The following YWHAE variants were observed in gnomAD, a reference collection of about 807,000 sequenced individuals.
YWHAE encodes tyrosine 3-monooxygenase/tryptophan 5-monooxygenase activation protein epsilon.
YWHAE carries 4 observed loss-of-function variants against 30.1 expected under a neutral mutation model. The observed-to-expected ratio is 0.13, with a 90% confidence interval of 0.07 to 0.30. The LOEUF (loss-of-function observed/expected upper bound fraction) is 0.30. Among genes scored for constraint, YWHAE ranks in the 10% least tolerant of loss-of-function variants. The pLI, the probability that YWHAE is intolerant of heterozygous loss-of-function variation, is 1.00. For synonymous variants in YWHAE, 118 were observed against 111.8 expected, an observed-to-expected ratio of 1.06 and a Z score of -0.35; for missense variants, 121 against 315.9, an observed-to-expected ratio of 0.38 and a Z score of 4.68.
chr17:1,360,069 TCTC>T (rs2072839194), intron 4 of YWHAE, among the ~76,000 whole-genome samples: 1 of 151,968 alleles, frequency 6.6e-6, no homozygotes, highest in South Asian at 2.1e-4. Context: ...TTCAAACAAT[TCTC>T]CTGTCTCAGC....
intron 4 of YWHAE, among the ~76,000 whole-genome samples, chr17:1,358,247 A>AT (rs936483592): frequency 9.3e-5 from 14 of 150,314 alleles, no homozygotes; most frequent in South Asian, 2.1e-4. Context: ...ACAAAAAAAA[A>AT]TTTTTTTTTT....
At chr17:1,360,956 G>A (rs1229989715) in intron 4 of YWHAE, 136 bp downstream of exon 4, 6 of 733,184 alleles carry the variant, frequency 8.2e-6, no homozygotes, top group Admixed American at 8.1e-5. Context: ...ACTATCCAAA[G>A]TAGTTTCAGT....
At chr17:1,346,973 A>G (rs1259723087) in intron 5 of YWHAE, among the ~76,000 whole-genome samples, 1 of 148,308 alleles carries the variant, frequency 6.7e-6, no homozygotes, top group Non-Finnish European at 1.5e-5. Context: ...CCTGGGTAAC[A>G]GAGTGAGACT....
intron 1 of YWHAE, among the ~76,000 whole-genome samples, chr17:1,391,023 G>A (rs1049099756): frequency 1.3e-5 from 2 of 152,068 alleles, no homozygotes; most frequent in African/African-American, 4.8e-5. Flanking sequence ...AAAATAAAAT[G>A]TATGTAGGGA....
intron 1 of YWHAE, among the ~76,000 whole-genome samples, chr17:1,398,407 T>C (rs1291720678): frequency 6.7e-6 from 1 of 148,528 alleles, no homozygotes; most frequent in African/African-American, 2.5e-5. Flanking sequence ...TTTAGTTCAC[T>C]ATATTTCCTA....
At chr17:1,352,920 C>G (rs1202144241) in intron 5 of YWHAE, among the ~76,000 whole-genome samples, 7 of 152,166 alleles carry the variant, frequency 4.6e-5, no homozygotes, top group Non-Finnish European at 1.0e-4. Context: ...AAATGTAAAA[C>G]TATCCTGTAA....
At chr17:1,351,663 G>A (rs1466061104) in intron 5 of YWHAE, among the ~76,000 whole-genome samples, 1 of 152,056 alleles carries the variant, frequency 6.6e-6, no homozygotes, top group South Asian at 2.1e-4. Flanking sequence ...ATGGCATCTC[G>A]TTCAGTCATC....
At chr17:1,376,030 T>C (rs938383973) in intron 1 of YWHAE, among the ~76,000 whole-genome samples, 1 of 152,228 alleles carries the variant, frequency 6.6e-6, no homozygotes, top group African/African-American at 2.4e-5. Flanking sequence ...ACCAGTATTA[T>C]CCCATTTTAG....
chr17:1,346,201 T>C (rs2072513767), intron 5 of YWHAE, among the ~76,000 whole-genome samples: 1 of 152,216 alleles, frequency 6.6e-6, no homozygotes, highest in Admixed American at 6.5e-5. Flanking sequence ...AACTGCACTA[T>C]GACATGCAAC....
At chr17:1,370,086 G>A (rs1440318272) in intron 1 of YWHAE, among the ~76,000 whole-genome samples, 4 of 147,548 alleles carry the variant, frequency 2.7e-5, no homozygotes, top group Non-Finnish European at 4.5e-5. Flanking sequence ...TGTAGCATCT[G>A]ACGCTGTTGG....
intron 1 of YWHAE, chr17:1,399,760 GGACT>G: frequency 5.4e-6 from 1 of 185,248 alleles, no homozygotes; most frequent in South Asian, 7.0e-5. Context: ...CCCCGCCCCG[GGACT>G]CGCCCTCCCC....
intron 4 of YWHAE, among the ~76,000 whole-genome samples, chr17:1,357,470 C>T (rs1372494615): frequency 6.6e-6 from 1 of 150,954 alleles, no homozygotes; most frequent in Non-Finnish European, 1.5e-5. Context: ...GTACCAGCTA[C>T]TTGGGAGGCT....
Position 1,367,567 on chromosome 17 carries a change from C to T in YWHAE, c.65-2509G>A, listed in dbSNP as rs148812650. Among the ~76,000 whole-genome samples the T allele has an allele frequency of 4.4e-3, 672 of 152,136 alleles. 8 individuals are homozygous for T. Among genetic ancestry groups the T allele is most frequent in the African/African-American group, 0.015 (622 of 41,504 alleles). ...TATTAGGTTGGTACAAAAGTAATTG[C>T]GCATTTTGCCAGCAAAAACCACAAT... On this transcript the variant is annotated intron_variant, in intron 1 of 5. Coordinates refer to ENST00000264335, the MANE Select transcript of YWHAE (RefSeq NM_006761.5).
At chr17:1,392,029 T>C (rs1367084605) in intron 1 of YWHAE, among the ~76,000 whole-genome samples, 1 of 151,872 alleles carries the variant, frequency 6.6e-6, no homozygotes, top group Non-Finnish European at 1.5e-5. Flanking sequence ...GGCAACATGG[T>C]AAAATCCTGT....
chr17:1,396,842 G>A (rs7223142), intron 1 of YWHAE, among the ~76,000 whole-genome samples: 16,836 of 151,464 alleles, frequency 0.11, 2,928 homozygotes, highest in African/African-American at 0.37. Context: ...GGCTGGTCTC[G>A]AACTTCTGAC....
At chr17:1,396,784 G>A (rs571898667) in intron 1 of YWHAE, among the ~76,000 whole-genome samples, 2 of 151,920 alleles carry the variant, frequency 1.3e-5, no homozygotes, top group South Asian at 2.1e-4. Flanking sequence ...CACCACCCCC[G>A]GCTAATTTTG....
At chr17:1,360,050 C>T (rs774871074) in intron 4 of YWHAE, among the ~76,000 whole-genome samples, 25 of 152,050 alleles carry the variant, frequency 1.6e-4, no homozygotes, top group Admixed American at 3.3e-4. Flanking sequence ...GCAACCTCTG[C>T]CTCCTGGGTT....
intron 1 of YWHAE, among the ~76,000 whole-genome samples, chr17:1,395,128 C>T (rs2150880360): frequency 6.6e-6 from 1 of 151,706 alleles, no homozygotes; most frequent in African/African-American, 2.4e-5. Flanking sequence ...TGTGGTGGCT[C>T]ACGCCTGTAA....
intron 1 of YWHAE, chr17:1,399,248 G>A (rs1035122614): frequency 1.3e-5 from 2 of 152,122 alleles, no homozygotes; most frequent in Non-Finnish European, 1.5e-5. Flanking sequence ...CAGGAACTTC[G>A]AGATCTCCTG....
Sources: gnomAD v4.1 joint callset for allele counts (sites outside exome capture counted in the v4.1 genomes callset) on GRCh38, gnomAD v4.1.1 for gene constraint, MANE v1.5 for transcripts, NCBI Gene and HGNC (gene_info 2026-07-23, HGNC 2026-07-21) for gene names.